The following DNAH17 variants were observed in gnomAD, a reference collection of about 807,000 sequenced individuals.
DNAH17 encodes dynein axonemal heavy chain 17.
DNAH17 carries 376 observed loss-of-function variants against 485.6 expected under a neutral mutation model. That is an observed-to-expected ratio of 0.77 (90% CI 0.71 to 0.84). DNAH17 has a LOEUF of 0.84. DNAH17 is among the 40% of genes least tolerant of loss of function. The pLI is 0.00. For missense variants in DNAH17, 6,370 were observed against 5,839.3 expected (o/e 1.09, Z -2.96); for synonymous variants, 3,031 against 2,405.9 (o/e 1.26, Z -7.60).
chr17:78,507,291 C>T lies in DNAH17; in HGVS notation c.4663G>A (p.Ala1555Thr). The change falls in exon 29 of 81, where the codon GCC becomes ACC. Residue 1555 changes from alanine to threonine, a missense_variant. Transcript: ENST00000389840. ...TGTGAGCCGCACCTCTTCTTCAGGGCCTCCAGTTTATTGTAGAGGCCGGGT... is the reference window on the plus strand; with the variant it reads ...TGTGAGCCGCACCTCTTCTTCAGGGTCTCCAGTTTATTGTAGAGGCCGGGT... ...SKPGLYNKLE[A>T]LKKSLAICEK... 6.2e-7 allele frequency: 1 copy of T among 1,614,016 alleles called. No individual in the cohort carries two copies. The highest frequency in any genetic ancestry group is 1.1e-5 in the South Asian group (1 of 91,088).
intron 1 of DNAH17, among the ~76,000 whole-genome samples, chr17:78,576,708 A>T (rs898714587): frequency 4.6e-5 from 7 of 152,184 alleles, no homozygotes; most frequent in African/African-American, 7.2e-5. Context: ...GGAGGGAAAC[A>T]TCCTCTGGTT....
chr17:78,575,170 T>G, intron 1 of DNAH17, 88 bp from the exon 2 acceptor site: 1 of 907,792 alleles, frequency 1.1e-6, no homozygotes, highest in South Asian at 1.8e-5. Context: ...AATCTCTGTT[T>G]CTACCGGAGC....
Position 78,476,638 on chromosome 17 carries a change from C to G in DNAH17, c.8088G>C (p.Met2696Ile). The G allele has an allele frequency of 6.2e-7, 1 of 1,612,310 alleles. No individual in the cohort carries two copies. Among genetic ancestry groups the G allele is most frequent in the Non-Finnish European group, 8.5e-7 (1 of 1,179,214 alleles). The change falls in exon 52 of 81, where the codon ATG (methionine) becomes ATC (isoleucine). Residue 2696 changes from methionine (M) to isoleucine (I), a missense_variant. By Grantham distance (10) the Met-to-Ile change is conservative (BLOSUM62 1). Coordinates refer to ENST00000389840, the MANE Select transcript of DNAH17 (RefSeq NM_173628.4). ...HETERVYGDK[M>I]VDEKDQETLH... ...ATGTTTCCTGGTCTTTTTCGTCAAC[C>G]ATTTTGTCACCATACACTCGTTCAG...
At chr17:78,458,343 G>A in intron 62 of DNAH17, 2 of 570,508 alleles carry the variant, frequency 3.5e-6, no homozygotes, top group Non-Finnish European at 6.3e-6. Context: ...TCCCAGGCCA[G>A]TGTGGGTTAC....
At chr17:78,504,848 T>A (rs1158097112) in intron 31 of DNAH17, among the ~76,000 whole-genome samples, 1 of 147,250 alleles carries the variant, frequency 6.8e-6, no homozygotes, top group Non-Finnish European at 1.5e-5. Context: ...TTTAAAGCAG[T>A]CCCTTTGGCA....
At chr17:78,576,556 T>TG (rs1598758919) in intron 1 of DNAH17, among the ~76,000 whole-genome samples, 1 of 152,152 alleles carries the variant, frequency 6.6e-6, no homozygotes. Flanking sequence ...AGCATGCTGC[T>TG]GAATTAATCT....
At position 78,451,576 on chromosome 17, in the gene DNAH17, G is replaced by A. The variant is rs757777792; in HGVS notation, c.10627C>T (p.Gln3543Ter). The A allele has an allele frequency of 1.2e-6, 2 of 1,613,504 alleles. No individual in the cohort carries two copies. The highest frequency in any genetic ancestry group is 2.2e-5 in the South Asian group (2 of 91,056). Residue 3543 changes from glutamine to a stop codon, truncating the protein, a stop_gained, in exon 66 of 81, where the codon CAG (glutamine) becomes TAG (stop). Coordinates refer to ENST00000389840, the MANE Select transcript of DNAH17 (RefSeq NM_173628.4). LOFTEE classifies it high-confidence loss of function. ...AAGTTGATGAGGGTGCACTGAGCCT[G>A]CATCTCTGGCTTGTAGTGTGGGTTG... Reference protein sequence around the residue: ...YFNPHYKPEMQAQCTLINFLV... With the variant: ...YFNPHYKPEM
chr17:78,469,000 G>C, intron 54 of DNAH17, 117 bp from the exon 55 acceptor site: 1 of 1,323,880 alleles, frequency 7.6e-7, no homozygotes, highest in Non-Finnish European at 1.0e-6. Context: ...GTCTCGCTCT[G>C]TCGCCCAGGC....
At chr17:78,432,721 T>TA (rs1405640056) in intron 75 of DNAH17, among the ~76,000 whole-genome samples, 10 of 152,186 alleles carry the variant, frequency 6.6e-5, no homozygotes, top group Non-Finnish European at 1.3e-4. Flanking sequence ...GGCCCAGGTC[T>TA]TGAGCTTTAT....
intron 56 of DNAH17, among the ~76,000 whole-genome samples, chr17:78,465,897 C>T (rs1225501035): frequency 2.6e-5 from 4 of 152,124 alleles, no homozygotes; most frequent in African/African-American, 9.6e-5. Context: ...GTGAGGAGCC[C>T]CTCTGCCCGG....
At chr17:78,431,024 T>TTA in intron 75 of DNAH17, among the ~76,000 whole-genome samples, 1 of 144,040 alleles carries the variant, frequency 6.9e-6, no homozygotes, top group African/African-American at 2.6e-5. Flanking sequence ...GGGCCTACAG[T>TTA]CACACCACCA....
intron 26 of DNAH17, among the ~76,000 whole-genome samples, chr17:78,514,155 GCCTA>G (rs2090712828): frequency 2.0e-5 from 3 of 152,232 alleles, no homozygotes; most frequent in African/African-American, 4.8e-5. Context: ...AACCAGAACG[GCCTA>G]CCTAATTTGC....
At chr17:78,475,958 C>T in intron 52 of DNAH17, 125 bp from the exon 53 acceptor site, 1 of 1,096,228 alleles carries the variant, frequency 9.1e-7, no homozygotes, top group Non-Finnish European at 1.3e-6. Flanking sequence ...CAGGCCAAGT[C>T]TCCAGGGGCC....
In DNAH17 at chr17:78,441,271, G is replaced by A. The variant is rs2087064814; in HGVS notation, c.11529-72C>T. 2.6e-6 allele frequency: 4 copies of A among 1,564,044 alleles called. 1 individual carries two copies. Among genetic ancestry groups the A allele is most frequent in the Non-Finnish European group, 1.7e-6 (2 of 1,154,136 alleles). ...CAGGGCGGGGCGCTCGGGGTGGGCT[G>A]TGGCCCAGGCAGGGGGGCCATTTTT... On this transcript the variant is annotated intron_variant, in intron 71 of 80. Coordinates refer to ENST00000389840, the MANE Select transcript of DNAH17 (RefSeq NM_173628.4).
intron 22 of DNAH17, 110 bp from the exon 23 acceptor site, chr17:78,527,106 G>A (rs1258377125): frequency 2.3e-5 from 20 of 880,356 alleles, no homozygotes; most frequent in South Asian, 1.2e-4. Context: ...TGCAGGGGCC[G>A]GCGCGGTGGC....
Position 78,506,739 on chromosome 17 carries a change from T to C in DNAH17, c.4784A>G (p.Asn1595Ser), listed in dbSNP as rs1374730667. ...SSADLLDILSNGNDPVEVSRH... is the reference protein window; with the variant it reads ...SSADLLDILSSGNDPVEVSRH... Reference sequence around the variant, plus strand: ...GCCTACCTCCACGGGGTCATTGCCATTGGAGAGAATGTCCAGGAGGTCAGC... The same window carrying C: ...GCCTACCTCCACGGGGTCATTGCCACTGGAGAGAATGTCCAGGAGGTCAGC... Residue 1595 changes from asparagine (N) to serine (S), a missense_variant, in exon 30 of 81, where the codon AAT becomes AGT. Transcript: ENST00000389840. The C allele has an allele frequency of 6.2e-7, 1 of 1,613,898 alleles. No individual in the cohort carries two copies. The highest frequency in any genetic ancestry group is 1.1e-5 in the South Asian group (1 of 91,076).
chr17:78,501,485 A>G (rs1305095343), intron 34 of DNAH17, 141 bp from the exon 35 acceptor site: 2 of 1,088,306 alleles, frequency 1.8e-6, no homozygotes, highest in East Asian at 5.2e-5. Context: ...CAGCACCCAC[A>G]TCCAACTGTA....
intron 55 of DNAH17, among the ~76,000 whole-genome samples, chr17:78,468,387 GGAC>G (rs2088585960): frequency 6.6e-6 from 1 of 152,076 alleles, no homozygotes. Context: ...AGATACCAAA[GGAC>G]GACTGTAAAA....
In DNAH17 at chr17:78,468,766, C is replaced by T; in HGVS notation, c.8629G>A (p.Ala2877Thr). 6.2e-7 allele frequency: 1 copy of T among 1,614,042 alleles called. No homozygotes were observed. The change falls in exon 55 of 81, where the codon GCC becomes ACC. Residue 2877 changes from alanine to threonine, a missense_variant. Ala to Thr is a moderately conservative substitution (Grantham distance 58, BLOSUM62 0). Coordinates refer to ENST00000389840, the MANE Select transcript of DNAH17 (RefSeq NM_173628.4). ...QFLVLINDLLASGEIPGLFME... is the reference protein window; with the variant it reads ...QFLVLINDLLTSGEIPGLFME... ...AACAGCCCAGGGATCTCTCCTGAGGCCAGCAGGTCATTGATCAGCACCAGA... is the reference window on the plus strand; with the variant it reads ...AACAGCCCAGGGATCTCTCCTGAGGTCAGCAGGTCATTGATCAGCACCAGA...
Sources: gnomAD v4.1 joint callset for allele counts (sites outside exome capture counted in the v4.1 genomes callset) on GRCh38, gnomAD v4.1.1 for gene constraint, MANE v1.5 for transcripts, NCBI Gene and HGNC (gene_info 2026-07-23, HGNC 2026-07-21) for gene names.